The following AKAP19 variants were observed in gnomAD, a reference collection of about 807,000 sequenced individuals.
AKAP19 encodes the protein small A-kinase anchoring protein.
the AKAP19 span, among the ~76,000 whole-genome samples, chr2:189,982,059 G>A: frequency 6.6e-6 from 1 of 152,124 alleles, no homozygotes; most frequent in Non-Finnish European, 1.5e-5. Context: ...GTCTACCCAA[G>A]ATTAGGGAAA....
At chr2:189,989,422 A>G in the AKAP19 span, among the ~76,000 whole-genome samples, 2 of 152,150 alleles carry the variant, frequency 1.3e-5, no homozygotes, top group Non-Finnish European at 2.9e-5. Flanking sequence ...TCCTAAGAGC[A>G]CAGAAAGATT....
the AKAP19 span, among the ~76,000 whole-genome samples, chr2:190,021,490 G>A: frequency 1.3e-5 from 2 of 152,116 alleles, no homozygotes; most frequent in Admixed American, 1.3e-4. Flanking sequence ...AGTCATGGAG[G>A]GTCACTGTTC....
At chr2:190,075,191 G>A in the AKAP19 span, among the ~76,000 whole-genome samples, 5 of 152,114 alleles carry the variant, frequency 3.3e-5, no homozygotes, top group Admixed American at 3.3e-4. Flanking sequence ...CAAATATTCA[G>A]ATATTTTCCA....
the AKAP19 span, among the ~76,000 whole-genome samples, chr2:190,136,836 C>T: frequency 6.6e-6 from 1 of 152,088 alleles, no homozygotes; most frequent in South Asian, 2.1e-4. Flanking sequence ...AGGATAAGAA[C>T]CAAGATTTGG....
At chr2:189,923,654 T>C in the AKAP19 span, 5 of 1,614,052 alleles carry the variant, frequency 3.1e-6, no homozygotes, top group Admixed American at 6.7e-5. Flanking sequence ...GATGTACGGC[T>C]CCTCTTTTGA....
At chr2:189,907,853 A>G in the AKAP19 span, among the ~76,000 whole-genome samples, 3 of 152,104 alleles carry the variant, frequency 2.0e-5, no homozygotes, top group Non-Finnish European at 2.9e-5. Flanking sequence ...TTGGCATACA[A>G]TTGTTCATAG....
chr2:190,057,301 C>T, the AKAP19 span: 58 of 1,613,312 alleles, frequency 3.6e-5, no homozygotes, highest in Non-Finnish European at 4.9e-5. Flanking sequence ...TGGAATTTTC[C>T]CATATATTAT....
the AKAP19 span, among the ~76,000 whole-genome samples, chr2:190,100,875 A>T: frequency 6.6e-6 from 1 of 152,178 alleles, no homozygotes; most frequent in Admixed American, 6.5e-5. Flanking sequence ...TGTCCAGCTG[A>T]TAAAAGTGAG....
chr2:190,053,645 A>C, the AKAP19 span, among the ~76,000 whole-genome samples: 2 of 152,188 alleles, frequency 1.3e-5, no homozygotes, highest in Non-Finnish European at 2.9e-5. Context: ...CAGACAAGTC[A>C]TGACTTGCCT....
At chr2:189,930,252 T>G in the AKAP19 span, 66 of 308,942 alleles carry the variant, frequency 2.1e-4, no homozygotes, top group Non-Finnish European at 3.7e-4. Flanking sequence ...TGAAGTCAGA[T>G]GAGACACCCT....
At chr2:190,172,900 G>T in the AKAP19 span, among the ~76,000 whole-genome samples, 28 of 152,104 alleles carry the variant, frequency 1.8e-4, no homozygotes, top group African/African-American at 6.3e-4. Flanking sequence ...ATCACCTGAG[G>T]TCAGGAGTTG....
At chr2:189,881,208 T>C in the AKAP19 span, among the ~76,000 whole-genome samples, 1 of 152,310 alleles carries the variant, frequency 6.6e-6, no homozygotes, top group African/African-American at 2.4e-5. Flanking sequence ...CTGTTAACCT[T>C]GTGAAAGGAA....
chr2:190,055,139 T>C, the AKAP19 span, among the ~76,000 whole-genome samples: 1 of 152,126 alleles, frequency 6.6e-6, no homozygotes. Flanking sequence ...CATGGAATAC[T>C]ATGCAGCCAT....
At chr2:190,133,458 A>C in the AKAP19 span, among the ~76,000 whole-genome samples, 159 of 152,286 alleles carry the variant, frequency 1.0e-3, no homozygotes, top group African/African-American at 3.7e-3. Flanking sequence ...AGGAACTGTT[A>C]TATACGGTTG....
At chr2:190,094,349 C>T in the AKAP19 span, among the ~76,000 whole-genome samples, 9 of 152,204 alleles carry the variant, frequency 5.9e-5, no homozygotes, top group Non-Finnish European at 1.3e-4. Context: ...TTTCAGCAGT[C>T]CTATGAGGCT....
At chr2:189,905,696 A>G in the AKAP19 span, among the ~76,000 whole-genome samples, 3 of 152,184 alleles carry the variant, frequency 2.0e-5, no homozygotes, top group East Asian at 3.9e-4. Context: ...TCTCATTAGC[A>G]GTACGAAGCT....
At chr2:190,132,308 G>A in the AKAP19 span, among the ~76,000 whole-genome samples, 2 of 152,116 alleles carry the variant, frequency 1.3e-5, no homozygotes, top group Non-Finnish European at 2.9e-5. Flanking sequence ...AAATTTGTAT[G>A]GAACCACAAG....
the AKAP19 span, among the ~76,000 whole-genome samples, chr2:190,018,570 G>C: frequency 5.3e-5 from 8 of 151,856 alleles, no homozygotes; most frequent in Non-Finnish European, 8.8e-5. Flanking sequence ...CTATGTGTAT[G>C]TTTTTTGTTC....
chr2:189,926,800 G>T, the AKAP19 span, among the ~76,000 whole-genome samples: 37 of 151,626 alleles, frequency 2.4e-4, no homozygotes, highest in Non-Finnish European at 4.1e-4. Context: ...AGCCAGGATG[G>T]TCTCGATTTC....
Sources: gnomAD v4.1 joint callset for allele counts (sites outside exome capture counted in the v4.1 genomes callset) on GRCh38, gnomAD v4.1.1 for gene constraint, MANE v1.5 for transcripts, NCBI Gene and HGNC (gene_info 2026-07-23, HGNC 2026-07-21) for gene names.